The following ARIH1 variants were observed in gnomAD, a reference collection of about 807,000 sequenced individuals.
ARIH1 encodes the protein E3 ubiquitin-protein ligase ARIH1.
A neutral mutation model predicts 85.0 loss-of-function variants in ARIH1; 8 were observed. The observed-to-expected ratio is 0.09, with a 90% CI of 0.06 to 0.17. ARIH1 has a LOEUF of 0.17. Ranked by LOEUF, ARIH1 falls within the 10% of genes least tolerant of loss-of-function variation. The pLI is 1.00. For missense variants in ARIH1, 311 were observed against 718.1 expected, an observed-to-expected ratio of 0.43 and a Z score of 6.48; for synonymous variants, 238 against 253.6, an observed-to-expected ratio of 0.94 and a Z score of 0.59.
chr15:72,577,411 G>A (rs150398985), intron 11 of ARIH1, among the ~76,000 whole-genome samples: 11 of 152,168 alleles, frequency 7.2e-5, no homozygotes, highest in African/African-American at 1.9e-4. Flanking sequence ...AGTGGCTCAC[G>A]CCTGTAATCT....
chr15:72,498,221 G>A (rs568475555), intron 1 of ARIH1, among the ~76,000 whole-genome samples: 1 of 144,684 alleles, frequency 6.9e-6, no homozygotes, highest in Non-Finnish European at 1.5e-5. Flanking sequence ...TATGTCAATA[G>A]ACTTTAATCT....
At chr15:72,521,397 G>C (rs190635539) in intron 2 of ARIH1, among the ~76,000 whole-genome samples, 42 of 152,008 alleles carry the variant, frequency 2.8e-4, no homozygotes, top group Non-Finnish European at 4.3e-4. Context: ...AACATAAACT[G>C]TTGGGCCCTT....
At chr15:72,568,697 A>G (rs2064231176) in intron 9 of ARIH1, among the ~76,000 whole-genome samples, 1 of 152,194 alleles carries the variant, frequency 6.6e-6, no homozygotes, top group African/African-American at 2.4e-5. Context: ...GTTAATTATA[A>G]CCAAGAAATG....
intron 11 of ARIH1, among the ~76,000 whole-genome samples, chr15:72,572,679 C>T (rs1365947199): frequency 6.6e-6 from 1 of 152,196 alleles, no homozygotes; most frequent in Non-Finnish European, 1.5e-5. Context: ...AGTTACATAG[C>T]ACATTTTAGC....
Position 72,581,853 on chromosome 15 carries a change from T to C in ARIH1, c.1477-222T>C, listed in dbSNP as rs570100863. 5 of 377,182 alleles carry C rather than the reference T, an allele frequency of 1.3e-5. No individual in the cohort carries two copies. The Admixed American group carries it at 1.7e-4, about 13-fold the overall frequency. The allele number at this position is 377,182 out of a possible 1,614,324, so 23.4% of individuals were successfully genotyped here. A position where few individuals can be genotyped will look rare whatever the true frequency, so the allele number is the denominator to read the frequency against. On this transcript the variant is annotated intron_variant, in intron 12 of 13. Transcript: ENST00000379887. ...GTCTTCAGTATTCTTCCAAAAGTAA[T>C]GGGTGAAATCTTTCGTTCTTTTAAC...
intron 1 of ARIH1, among the ~76,000 whole-genome samples, chr15:72,483,816 ACT>A (rs1301965590): frequency 2.2e-5 from 3 of 138,610 alleles, no homozygotes; most frequent in African/African-American, 9.0e-5. Flanking sequence ...TTTTTTTTTA[ACT>A]CTAGCTACGT....
chr15:72,550,258 G>A (rs919396561), intron 3 of ARIH1, among the ~76,000 whole-genome samples: 2 of 152,124 alleles, frequency 1.3e-5, no homozygotes, highest in Non-Finnish European at 2.9e-5. Context: ...CATCTCACAC[G>A]AGTGTGATTA....
chr15:72,578,607 C>G (rs145982471), intron 11 of ARIH1, among the ~76,000 whole-genome samples: 1 of 151,778 alleles, frequency 6.6e-6, no homozygotes, highest in East Asian at 1.9e-4. Flanking sequence ...GGTTTGTCCG[C>G]AAGTGTTTTC....
In ARIH1 at chr15:72,544,253, C is replaced by T. The variant is rs1374077160; in HGVS notation, c.444-567C>T. Reference sequence around the variant, plus strand: ...CAAGTCTATTATGTAAAATGAGACACGTAATAATTATATTTTTAAGATGAT... The same window carrying T: ...CAAGTCTATTATGTAAAATGAGACATGTAATAATTATATTTTTAAGATGAT... On this transcript the variant is annotated intron_variant, in intron 2 of 13. Transcript: ENST00000379887. Among the ~76,000 whole-genome samples, 4 of 151,750 alleles carry T rather than the reference C, an allele frequency of 2.6e-5. 1 individual carries two copies. Among genetic ancestry groups the T allele is most frequent in the Non-Finnish European group, 5.9e-5 (4 of 67,956 alleles).
chr15:72,535,895 CT>C (rs1567349761), intron 2 of ARIH1, among the ~76,000 whole-genome samples: 1 of 152,062 alleles, frequency 6.6e-6, no homozygotes, highest in African/African-American at 2.4e-5. Flanking sequence ...ACTGTAGTCT[CT>C]TTTGAAAAAG....
At position 72,534,959 on chromosome 15, in the gene ARIH1, C is replaced by CTTTTTTTTTTTTTTTTTTTTTTTTT; in HGVS notation, c.444-9850_444-9849insTTTTTTTTTTTTTTTTTTTTTTTTT. Reference sequence around the variant, plus strand: ...CCTATGTCTTCTTATTGTCTGTATTCTTTTTTTTTTTGAGACGGAGTCTCG... The same window carrying CTTTTTTTTTTTTTTTTTTTTTTTTT: ...CCTATGTCTTCTTATTGTCTGTATTCTTTTTTTTTTTTTTTTTTTTTTTTTTTTTTTTTTTTGAGACGGAGTCTCG... On this transcript the variant is annotated intron_variant, in intron 2 of 13. Transcript: ENST00000379887. Among the ~76,000 whole-genome samples the CTTTTTTTTTTTTTTTTTTTTTTTTT allele has an allele frequency of 7.0e-4, 52 of 73,910 alleles. 21 individuals carry two copies. The highest frequency in any genetic ancestry group is 2.8e-3 in the East Asian group (4 of 1,432). 48.5% of individuals were successfully genotyped at this position (73,910 alleles called of 152,430 possible). A position where few individuals can be genotyped will look rare whatever the true frequency, so the allele number is the denominator to read the frequency against.
chr15:72,515,597 A>T lies in ARIH1; in HGVS notation c.376-2470A>T, dbSNP rs571775899. 1.2e-4 allele frequency among the ~76,000 whole-genome samples: 18 copies of T among 152,282 alleles called. No individual in the cohort carries two copies. In the South Asian group the frequency reaches 3.7e-3, roughly 32 times the overall value. On this transcript the variant is annotated intron_variant, in intron 1 of 13. Transcript: ENST00000379887. ...AAGATTTGTTTTAGTAGACAAATTG[A>T]CCTATTTAGTTTATACCTGCAAATT...
intron 1 of ARIH1, among the ~76,000 whole-genome samples, chr15:72,494,991 C>G (rs1001604814): frequency 6.6e-6 from 1 of 152,148 alleles, no homozygotes; most frequent in African/African-American, 2.4e-5. Flanking sequence ...AAGCTTTAAG[C>G]AACTTTCATT....
At chr15:72,479,107 G>T (rs2063805249) in intron 1 of ARIH1, among the ~76,000 whole-genome samples, 2 of 152,136 alleles carry the variant, frequency 1.3e-5, no homozygotes, top group East Asian at 3.9e-4. Flanking sequence ...TCTCAAAATG[G>T]TAGGCCTGGA....
chr15:72,602,599 A>G lies in ARIH1; in HGVS notation c.*19307A>G, dbSNP rs2064385760. 6.6e-6 allele frequency: 1 copy of G among 152,222 alleles called. No homozygotes were observed. Among genetic ancestry groups the G allele is most frequent in the Non-Finnish European group, 1.5e-5 (1 of 68,046 alleles). The allele number at this position is 152,222 out of a possible 1,614,324, so 9.4% of individuals were successfully genotyped here. On this transcript the variant is annotated 3_prime_UTR_variant, in exon 14 of 14. Transcript: ENST00000379887. Reference sequence around the variant, plus strand: ...AAATCCACAGGCTCCTGAATTTTATATGGGCCTAAGAGTCTTACTGAAAAT... The same window carrying G: ...AAATCCACAGGCTCCTGAATTTTATGTGGGCCTAAGAGTCTTACTGAAAAT...
intron 1 of ARIH1, among the ~76,000 whole-genome samples, chr15:72,492,333 T>C (rs2063862773): frequency 6.6e-6 from 1 of 152,200 alleles, no homozygotes; most frequent in Admixed American, 6.5e-5. Context: ...TCTGGAAGAA[T>C]AGCACCGTGA....
At position 72,599,944 on chromosome 15, in the gene ARIH1, A is replaced by G. The variant is rs1034934931; in HGVS notation, c.*16652A>G. 1 of 110,814 alleles carries G rather than the reference A, an allele frequency of 9.0e-6. No homozygotes were observed. The highest frequency in any genetic ancestry group is 2.5e-5 in the African/African-American group (1 of 39,982). 6.9% of individuals were successfully genotyped at this position (110,814 alleles called of 1,614,324 possible). The stretch of plus-strand genomic sequence containing the variant: ...ATGAAGTCCAGTGAAGCTTCATATT[A>G]TTTTGAAGTGATATTTCCCAGTGTT... On this transcript the variant is annotated 3_prime_UTR_variant, in exon 14 of 14. Coordinates refer to ENST00000379887, the MANE Select transcript of ARIH1 (RefSeq NM_005744.5).
intron 1 of ARIH1, among the ~76,000 whole-genome samples, chr15:72,483,846 A>AT (rs1268027488): frequency 6.2e-5 from 9 of 145,720 alleles, no homozygotes; most frequent in Non-Finnish European, 1.1e-4. Context: ...TCACCTGGGG[A>AT]TTTTTTTCAT....
At position 72,584,957 on chromosome 15, in the gene ARIH1, G is replaced by A. The variant is rs1317420246; in HGVS notation, c.*1665G>A. ...ACCAGTTGAGGCTGAGGACCTCTTC[G>A]TCTTCCTTTAAATGTCTTTTGCCTA... On this transcript the variant is annotated 3_prime_UTR_variant, in exon 14 of 14. Transcript: ENST00000379887. 1 of 151,020 alleles carries A rather than the reference G, an allele frequency of 6.6e-6. No homozygotes were observed. The highest frequency in any genetic ancestry group is 2.4e-5 in the African/African-American group (1 of 40,980). 9.4% of individuals were successfully genotyped at this position (151,020 alleles called of 1,614,324 possible). A position where few individuals can be genotyped will look rare whatever the true frequency, so the allele number is the denominator to read the frequency against.
Sources: allele counts gnomAD v4.1 joint callset (sites outside exome capture counted in the v4.1 genomes callset), GRCh38; gene constraint gnomAD v4.1.1; transcripts MANE v1.5; gene names NCBI Gene and HGNC (gene_info 2026-07-23, HGNC 2026-07-21).